Variants in TMPRSS7 observed in about 807,000 individuals in gnomAD.
TMPRSS7 encodes transmembrane protease serine 7.
In TMPRSS7, 81 loss-of-function variants were observed where a neutral mutation model predicts 95.6. That is an observed-to-expected ratio of 0.85 (90% CI 0.71 to 1.02). The LOEUF is 1.02. Among genes scored for constraint, TMPRSS7 ranks in the 50% least tolerant of loss-of-function variants. TMPRSS7 has a pLI of 0.00. For missense variants in TMPRSS7, 945 were observed against 955.2 expected (o/e 0.99, Z 0.14); for synonymous variants, 364 against 337.8 (o/e 1.08, Z -0.85).
chr3:112,081,268 T>TA (rs541464463), downstream of TMPRSS7: 1,817 of 223,184 alleles, frequency 8.1e-3, 45 homozygotes, highest in East Asian at 0.031. Flanking sequence ...CTGTCTCTAC[T>TA]GAAAAAAAAA....
Position 112,045,931 on chromosome 3 carries a change from G to A in TMPRSS7, c.679G>A (p.Val227Met), listed in dbSNP as rs1318374831. The change falls in exon 5 of 18, where the codon GTG becomes ATG. Residue 227 changes from valine (V) to methionine (M), a missense_variant. Val to Met is a conservative substitution (Grantham distance 21). Transcript: ENST00000452346. ...GGGACTGGCTGTGGACATGGACTCT[G>A]TGGTACTAAATGGTGATTGTTGGGT... The A allele has an allele frequency of 1.9e-6, 3 of 1,550,802 alleles. No homozygotes were observed. The East Asian group carries it at 7.3e-5, about 38-fold the overall frequency.
chr3:112,040,747 C>T (rs2073197629), intron 2 of TMPRSS7, among the ~76,000 whole-genome samples: 1 of 152,166 alleles, frequency 6.6e-6, no homozygotes, highest in Admixed American at 6.5e-5. Context: ...TTCATGGAAA[C>T]AGATCAGTAC....
chr3:112,049,787 AC>A (rs2107742433), intron 7 of TMPRSS7, 56 bp from the exon 8 acceptor site: 1 of 1,392,252 alleles, frequency 7.2e-7, no homozygotes. Flanking sequence ...TTGAATGGAG[AC>A]CCATTTCTCA....
intron 13 of TMPRSS7, among the ~76,000 whole-genome samples, chr3:112,067,890 C>A (rs2073596029): frequency 6.6e-6 from 1 of 152,158 alleles, no homozygotes; most frequent in Non-Finnish European, 1.5e-5. Flanking sequence ...GTGTTTTAGT[C>A]ATGAAGTCCT....
At position 112,042,086 on chromosome 3, in the gene TMPRSS7, T is replaced by A. The variant is rs1486040039; in HGVS notation, c.429+36T>A. On this transcript the variant is annotated intron_variant, in intron 3 of 17. Transcript: ENST00000452346. ...GGAGGTAGAGGGTATTAGGGTAGAG[T>A]GGGTTTGCGGGGAGGTGGGGGATGA... 3.3e-6 allele frequency: 5 copies of A among 1,531,452 alleles called. No homozygotes were observed. In the South Asian group the frequency reaches 6.0e-5, roughly 18 times the overall value. The allele number at this position is 1,531,452 out of a possible 1,614,324, so 94.9% of individuals were successfully genotyped here. A position where few individuals can be genotyped will look rare whatever the true frequency, so the allele number is the denominator to read the frequency against.
At chr3:112,042,161 G>A in intron 3 of TMPRSS7, 111 bp downstream of exon 3, 2 of 814,670 alleles carry the variant, frequency 2.5e-6, no homozygotes, top group South Asian at 3.5e-5. Flanking sequence ...TAGGGAAGTA[G>A]AGGGCAGGGT....
At chr3:112,053,241 T>C (rs949851804) in intron 9 of TMPRSS7, among the ~76,000 whole-genome samples, 8 of 151,934 alleles carry the variant, frequency 5.3e-5, no homozygotes, top group African/African-American at 1.9e-4. Context: ...ATGACAAAAG[T>C]TTTTTACACA....
intron 14 of TMPRSS7, among the ~76,000 whole-genome samples, chr3:112,074,906 G>A (rs527935298): frequency 6.6e-6 from 1 of 152,200 alleles, no homozygotes; most frequent in Non-Finnish European, 1.5e-5. Context: ...CAATTGCTCT[G>A]ATAACTAGTT....
intron 6 of TMPRSS7, 119 bp from the exon 7 acceptor site, chr3:112,047,620 T>G: frequency 1.4e-6 from 1 of 731,330 alleles, no homozygotes; most frequent in Non-Finnish European, 2.3e-6. Context: ...GGACCTAGGC[T>G]GGCCATATGT....
At chr3:112,081,128 T>C (rs749413367) in exon 18 of TMPRSS7, 5 of 1,549,030 alleles carry the variant, frequency 3.2e-6, no homozygotes, top group Non-Finnish European at 4.4e-6. Flanking sequence ...TAAAAATAGA[T>C]ACTTTAAAAT....
intron 5 of TMPRSS7, among the ~76,000 whole-genome samples, chr3:112,046,603 A>C (rs1194319214): frequency 6.6e-6 from 1 of 152,228 alleles, no homozygotes; most frequent in Non-Finnish European, 1.5e-5. Context: ...AAAATCTCAT[A>C]GAAAATTCTG....
chr3:112,076,438 G>A (rs1381044317), intron 15 of TMPRSS7, among the ~76,000 whole-genome samples: 1 of 152,184 alleles, frequency 6.6e-6, no homozygotes, highest in African/African-American at 2.4e-5. Context: ...CCTGCTTATA[G>A]CACTTTGATT....
At chr3:112,039,953 G>T (rs2073189158) in intron 2 of TMPRSS7, among the ~76,000 whole-genome samples, 1 of 152,134 alleles carries the variant, frequency 6.6e-6, no homozygotes, top group Non-Finnish European at 1.5e-5. Context: ...CGAACTCTTG[G>T]TAGCTGGTGT....
intron 17 of TMPRSS7, among the ~76,000 whole-genome samples, chr3:112,080,568 CTAT>C (rs1408483071): frequency 1.6e-5 from 1 of 62,478 alleles, no homozygotes; most frequent in Non-Finnish European, 3.5e-5. Context: ...ACTACTACTA[CTAT>C]TACCACCACC....
chr3:112,051,143 A>G (rs1387002120), intron 9 of TMPRSS7, among the ~76,000 whole-genome samples: 1 of 152,204 alleles, frequency 6.6e-6, no homozygotes, highest in Non-Finnish European at 1.5e-5. Context: ...GGATTAGGCA[A>G]TACAGTCAGC....
chr3:112,071,074 T>G lies in TMPRSS7; in HGVS notation c.1667-3222T>G, dbSNP rs145376555. ...TTTACAATTTGACATGTTTTTGCAG[T>G]GGCTGGTACCAGTTGTCCCTTTCCA... On this transcript the variant is annotated intron_variant, in intron 13 of 17. Coordinates refer to ENST00000452346, the Ensembl canonical transcript of TMPRSS7. Among the ~76,000 whole-genome samples, 649 of 152,358 alleles carry G rather than the reference T, an allele frequency of 4.3e-3. 23 individuals carry two copies. The East Asian group carries it at 0.065, about 15-fold the overall frequency.
chr3:112,075,577 C>T, intron 15 of TMPRSS7, 85 bp downstream of exon 15: 1 of 1,164,696 alleles, frequency 8.6e-7, no homozygotes. Context: ...AAGCAGATCC[C>T]TGTTGGGGAC....
At chr3:112,078,225 T>G (rs1447641261) in intron 16 of TMPRSS7, among the ~76,000 whole-genome samples, 1 of 152,210 alleles carries the variant, frequency 6.6e-6, no homozygotes, top group African/African-American at 2.4e-5. Flanking sequence ...CCCAACCAAC[T>G]TATCATGAGA....
At chr3:112,040,723 T>C (rs1350848713) in intron 2 of TMPRSS7, among the ~76,000 whole-genome samples, 1 of 152,120 alleles carries the variant, frequency 6.6e-6, no homozygotes, top group African/African-American at 2.4e-5. Flanking sequence ...CTTATAAAAA[T>C]CAGAGAAGGC....
Sources: gnomAD v4.1 joint callset for allele counts (sites outside exome capture counted in the v4.1 genomes callset) on GRCh38, gnomAD v4.1.1 for gene constraint, MANE v1.5 for transcripts, NCBI Gene and HGNC (gene_info 2026-07-23, HGNC 2026-07-21) for gene names.